The following FRMD4B variants were observed in gnomAD, a reference collection of about 807,000 sequenced individuals.
FRMD4B encodes the protein FERM domain containing 4B.
FRMD4B carries 74 observed loss-of-function variants against 141.5 expected under a neutral mutation model. The ratio of observed to expected loss-of-function variants is 0.52; its 90% CI spans 0.43 to 0.63. FRMD4B has a LOEUF of 0.63. FRMD4B is among the 30% of genes least tolerant of loss of function. The pLI, the probability that FRMD4B is intolerant of heterozygous loss-of-function variation, is 0.00. For missense variants in FRMD4B, 1,366 were observed against 1,253.4 expected (o/e 1.09, Z -1.36); for synonymous variants, 506 against 467.9 (o/e 1.08, Z -1.05).
At chr3:69,259,119 A>G (rs1398071300) in intron 5 of FRMD4B, among the ~76,000 whole-genome samples, 1 of 152,206 alleles carries the variant, frequency 6.6e-6, no homozygotes, top group Non-Finnish European at 1.5e-5. Context: ...GTTTTCCCGT[A>G]ACTAGACCAT....
intron 5 of FRMD4B, among the ~76,000 whole-genome samples, chr3:69,261,675 TTTTA>T (rs2093528396): frequency 6.6e-6 from 1 of 152,176 alleles, no homozygotes; most frequent in Non-Finnish European, 1.5e-5. Context: ...TAAATTTTCA[TTTTA>T]TTTATTTATT....
chr3:69,528,513 T>G (rs1051371972), intron 1 of FRMD4B, among the ~76,000 whole-genome samples: 2 of 152,044 alleles, frequency 1.3e-5, no homozygotes, highest in African/African-American at 4.8e-5. Flanking sequence ...TACAGGCCCA[T>G]GCCACCATGC....
chr3:69,501,202 C>T (rs969045891), intron 1 of FRMD4B, among the ~76,000 whole-genome samples: 1 of 149,442 alleles, frequency 6.7e-6, no homozygotes, highest in Non-Finnish European at 1.5e-5. Flanking sequence ...TTTCCTAAAA[C>T]ACTATAAGGT....
chr3:69,453,899 G>A (rs1045416568), intron 1 of FRMD4B, among the ~76,000 whole-genome samples: 1 of 152,106 alleles, frequency 6.6e-6, no homozygotes, highest in East Asian at 1.9e-4. Context: ...GGAGGCAGAA[G>A]CCTAGAAAAC....
At chr3:69,213,341 T>G (rs2093105153) in intron 11 of FRMD4B, among the ~76,000 whole-genome samples, 1 of 149,966 alleles carries the variant, frequency 6.7e-6, no homozygotes, top group Non-Finnish European at 1.5e-5. Context: ...TTTTCTTCCT[T>G]GCCCTCATGA....
intron 2 of FRMD4B, among the ~76,000 whole-genome samples, chr3:69,429,305 G>C (rs191295242): frequency 1.3e-5 from 2 of 152,332 alleles, no homozygotes; most frequent in East Asian, 3.9e-4. Context: ...ATAAGAATGT[G>C]CATTTAGAAT....
Position 69,219,428 on chromosome 3 carries a change from G to A in FRMD4B, c.732-1049C>T, listed in dbSNP as rs543389655. Among the ~76,000 whole-genome samples, 123 of 152,214 alleles carry A rather than the reference G, an allele frequency of 8.1e-4. 3 individuals carry two copies. In the South Asian group the frequency reaches 0.024, roughly 30 times the overall value. On this transcript the variant is annotated intron_variant, in intron 9 of 22. Transcript: ENST00000398540. ...AAAAGTAAATGGCCCGCATGCAAAT[G>A]AATATAAGAGGTTAAATGTGTCAAG... is the stretch of plus-strand genomic sequence containing the variant.
chr3:69,532,266 G>T (rs1466257932), intron 1 of FRMD4B, among the ~76,000 whole-genome samples: 3 of 152,140 alleles, frequency 2.0e-5, no homozygotes, highest in African/African-American at 7.2e-5. Flanking sequence ...AAGGTTATTT[G>T]ATATGACAAG....
intron 7 of FRMD4B, among the ~76,000 whole-genome samples, chr3:69,246,509 C>G (rs2093426832): frequency 6.6e-6 from 1 of 151,996 alleles, no homozygotes; most frequent in Non-Finnish European, 1.5e-5. Context: ...AGTTTTAGAA[C>G]AAAACTTTGG....
At chr3:69,360,445 A>G (rs1197695395) in intron 1 of FRMD4B, among the ~76,000 whole-genome samples, 1 of 152,140 alleles carries the variant, frequency 6.6e-6, no homozygotes, top group East Asian at 1.9e-4. Context: ...TCAAATATCC[A>G]ATTATCTGAT....
intron 1 of FRMD4B, among the ~76,000 whole-genome samples, chr3:69,439,796 T>C (rs1221225493): frequency 3.3e-5 from 5 of 152,230 alleles, no homozygotes; most frequent in Admixed American, 2.0e-4. Flanking sequence ...AAATGCAGTT[T>C]CATTATGATT....
chr3:69,232,543 T>C (rs564129874), intron 7 of FRMD4B, among the ~76,000 whole-genome samples: 4 of 152,330 alleles, frequency 2.6e-5, no homozygotes, highest in African/African-American at 7.2e-5. Flanking sequence ...TGTTTTTCTT[T>C]ACTGACCCCA....
At chr3:69,447,744 T>C (rs903122817) in intron 1 of FRMD4B, among the ~76,000 whole-genome samples, 7 of 152,232 alleles carry the variant, frequency 4.6e-5, no homozygotes, top group African/African-American at 1.4e-4. Context: ...ATCTGCTCTC[T>C]GACATTACGT....
At chr3:69,282,884 G>C (rs1049386268) in intron 5 of FRMD4B, among the ~76,000 whole-genome samples, 1 of 151,882 alleles carries the variant, frequency 6.6e-6, no homozygotes, top group East Asian at 2.0e-4. Flanking sequence ...TGATCCACCC[G>C]CCTTGGCTTC....
At chr3:69,227,928 A>AT (rs1348260685) in intron 7 of FRMD4B, among the ~76,000 whole-genome samples, 1 of 152,230 alleles carries the variant, frequency 6.6e-6, no homozygotes, top group African/African-American at 2.4e-5. Context: ...GAAAGGGGGT[A>AT]TAAAGGAACT....
At chr3:69,239,189 A>G (rs932257722) in intron 7 of FRMD4B, among the ~76,000 whole-genome samples, 6 of 152,176 alleles carry the variant, frequency 3.9e-5, no homozygotes, top group Non-Finnish European at 5.9e-5. Context: ...CACTTTTCCA[A>G]CATCATGACT....
intron 1 of FRMD4B, chr3:69,353,640 T>C (rs1703227334): frequency 4.1e-5 from 40 of 983,816 alleles, no homozygotes; most frequent in Non-Finnish European, 4.8e-5. Context: ...TGTGTGTGTG[T>C]GTGCGCGCGC....
At position 69,441,154 on chromosome 3, in the gene FRMD4B, C is replaced by G. The variant is rs184655976; in HGVS notation, c.-128-8393G>C. On this transcript the variant is annotated intron_variant, in intron 1 of 5. Transcript: ENST00000459638. ...TGTTACACTAAGAATGAAATTTGAA[C>G]TCCATACTGGAGCATGATTATAGGA... 4.0e-3 allele frequency among the ~76,000 whole-genome samples: 611 copies of G among 152,276 alleles called. 5 individuals are homozygous for G. Among genetic ancestry groups the G allele is most frequent in the African/African-American group, 0.014 (593 of 41,546 alleles).
At chr3:69,504,289 G>A (rs957737979) in intron 1 of FRMD4B, among the ~76,000 whole-genome samples, 23 of 151,842 alleles carry the variant, frequency 1.5e-4, no homozygotes, top group African/African-American at 3.6e-4. Flanking sequence ...AAGTAACCCC[G>A]GGATGAATAC....
Sources: allele counts gnomAD v4.1 joint callset (sites outside exome capture counted in the v4.1 genomes callset), GRCh38; gene constraint gnomAD v4.1.1; transcripts MANE v1.5; gene names NCBI Gene and HGNC (gene_info 2026-07-23, HGNC 2026-07-21).